The following CABIN1 variants were observed in gnomAD, a reference collection of about 807,000 sequenced individuals.
CABIN1 encodes calcineurin binding protein 1.
CABIN1 carries 133 observed loss-of-function variants against 227.7 expected under a neutral mutation model. The observed-to-expected ratio is 0.58, with a 90% CI of 0.51 to 0.67. The LOEUF (loss-of-function observed/expected upper bound fraction) is 0.67, where lower values mean the gene tolerates loss of function less well. Among genes scored for constraint, CABIN1 ranks in the 30% least tolerant of loss-of-function variants. CABIN1 has a pLI of 0.00. For synonymous variants in CABIN1, 1,086 were observed against 1,155.1 expected (o/e 0.94, Z 1.21); for missense variants, 2,408 against 2,852.5 (o/e 0.84, Z 3.55).
chr22:24,052,310 G>A (rs1373635393), intron 8 of CABIN1, among the ~76,000 whole-genome samples: 1 of 152,154 alleles, frequency 6.6e-6, no homozygotes, highest in Non-Finnish European at 1.5e-5. Flanking sequence ...AAGGAAGAGT[G>A]TAGATTCCCT....
chr22:24,137,196 C>T (rs2044476146), intron 29 of CABIN1, among the ~76,000 whole-genome samples: 1 of 152,186 alleles, frequency 6.6e-6, no homozygotes, highest in African/African-American at 2.4e-5. Context: ...AAAGCCTGTG[C>T]AGTGATATTG....
chr22:24,164,316 G>C, intron 29 of CABIN1, 84 bp from the exon 30 acceptor site: 1 of 1,562,672 alleles, frequency 6.4e-7, no homozygotes, highest in South Asian at 1.1e-5. Context: ...CACTGTGGCA[G>C]TTTCCAGGGG....
intron 10 of CABIN1, among the ~76,000 whole-genome samples, chr22:24,056,762 G>C (rs1441335308): frequency 6.6e-6 from 1 of 152,158 alleles, no homozygotes; most frequent in African/African-American, 2.4e-5. Flanking sequence ...TTTGCTCCAG[G>C]CTCAGCAGGA....
Position 24,056,216 on chromosome 22 carries a change from C to G in CABIN1, c.1118C>G (p.Ser373Cys). ...PVGDISGGDK[S>C]KKGVKRKKIS... ...GGTGATATTTCTGGGGGAGATAAAT[C>G]CAAGAAAGGGGTAAAACGGAAGAAG... Residue 373 changes from serine to cysteine, a missense_variant, in exon 10 of 37, where the codon TCC (serine) becomes TGC (cysteine). Physicochemically the swap from Ser to Cys is moderately radical, Grantham distance 112. Transcript: ENST00000263119. 1 of 1,613,660 alleles carries G rather than the reference C, an allele frequency of 6.2e-7. No individual in the cohort carries two copies. The highest frequency in any genetic ancestry group is 1.1e-5 in the South Asian group (1 of 91,056).
intron 33 of CABIN1, among the ~76,000 whole-genome samples, chr22:24,171,434 T>C (rs1021278939): frequency 6.6e-6 from 1 of 152,028 alleles, no homozygotes. Context: ...CAGCTGGAGG[T>C]CCTTCCACTG....
intron 27 of CABIN1, among the ~76,000 whole-genome samples, chr22:24,114,058 T>G (rs1040928492): frequency 6.6e-5 from 10 of 151,598 alleles, no homozygotes; most frequent in Non-Finnish European, 1.2e-4. Flanking sequence ...GTGCTCTGTT[T>G]TTGTTGTTGT....
chr22:24,055,270 C>T, intron 9 of CABIN1, 111 bp downstream of exon 9: 2 of 1,253,402 alleles, frequency 1.6e-6, no homozygotes, highest in Non-Finnish European at 2.2e-6. Context: ...CATGCTGATG[C>T]TCATGACTCA....
intron 9 of CABIN1, among the ~76,000 whole-genome samples, chr22:24,055,837 G>A (rs1004456519): frequency 2.6e-5 from 4 of 152,154 alleles, no homozygotes; most frequent in Non-Finnish European, 4.4e-5. Flanking sequence ...GAGGGTACTG[G>A]GTAGGGTCAT....
intron 29 of CABIN1, among the ~76,000 whole-genome samples, chr22:24,151,437 G>T (rs184605167): frequency 6.6e-6 from 1 of 152,124 alleles, no homozygotes; most frequent in African/African-American, 2.4e-5. Flanking sequence ...TAGGGACCAG[G>T]GGTCAGAAGA....
chr22:24,037,992 G>T (rs532977882), intron 3 of CABIN1, among the ~76,000 whole-genome samples: 1 of 152,342 alleles, frequency 6.6e-6, no homozygotes, highest in East Asian at 1.9e-4. Flanking sequence ...AAGTGGAGGA[G>T]ATATTTATGG....
rs751228495 is a variant in CABIN1 at position 24,070,813 on chromosome 22, G to A, written c.2246G>A (p.Arg749Gln). 9.9e-6 allele frequency: 16 copies of A among 1,614,060 alleles called. No individual in the cohort carries two copies. The Admixed American group carries it at 1.0e-4, about 10-fold the overall frequency. The change falls in exon 17 of 37, where the codon CGG (arginine) becomes CAG (glutamine). Residue 749 changes from arginine (R) to glutamine (Q), a missense_variant. Coordinates refer to ENST00000263119, the MANE Select transcript of CABIN1 (RefSeq NM_012295.4). ...TTGCTGTACTAGGACTCCTTGCTCC[G>A]GCTGAAGGACTATCGGCAGTGTTTT... ...QLLLLQDSLLRLKDYRQCFEC... is the reference protein window; with the variant it reads ...QLLLLQDSLLQLKDYRQCFEC...
intron 1 of CABIN1, among the ~76,000 whole-genome samples, chr22:24,023,140 A>C (rs141833444): frequency 1.9e-3 from 297 of 152,330 alleles, no homozygotes; most frequent in Non-Finnish European, 3.6e-3. Flanking sequence ...TGTATATCAA[A>C]CAATATTTGT....
At chr22:24,173,123 C>A in intron 34 of CABIN1, 1 of 152,414 alleles carries the variant, frequency 6.6e-6, no homozygotes. Flanking sequence ...CAGCCTGTTT[C>A]CTTGCCGCAG....
intron 6 of CABIN1, among the ~76,000 whole-genome samples, chr22:24,047,765 G>A (rs1880554625): frequency 6.6e-6 from 1 of 152,212 alleles, no homozygotes; most frequent in African/African-American, 2.4e-5. Context: ...TCTGTGTGTT[G>A]CTTCTCACTC....
intron 15 of CABIN1, among the ~76,000 whole-genome samples, chr22:24,065,032 T>C (rs1386378117): frequency 9.9e-5 from 15 of 152,226 alleles, no homozygotes; most frequent in African/African-American, 9.6e-5. Context: ...AGCTGTTGGG[T>C]ACACCTCCCA....
Position 24,176,262 on chromosome 22 carries a change from C to T in CABIN1, c.6192C>T (p.Pro2064=). 6.2e-7 allele frequency: 1 copy of T among 1,602,284 alleles called. No individual in the cohort carries two copies. Among genetic ancestry groups the T allele is most frequent in the Non-Finnish European group, 8.5e-7 (1 of 1,176,094 alleles). The change falls in exon 35 of 37, where the codon CCC becomes CCT. Residue 2064 remains proline, a synonymous_variant. Coordinates refer to ENST00000263119, the MANE Select transcript of CABIN1 (RefSeq NM_012295.4). ...CTGCCCTGGGCACAGGCGCTGAGCC[C>T]ACCTGCAGCCAGGGTAAGGCGAGTT... is the stretch of plus-strand genomic sequence containing the variant. The part of the protein sequence containing the change: ...AEAALGTGAE[P]TCSQEGKLRP...
chr22:24,118,267 T>C (rs1336131255), intron 27 of CABIN1, among the ~76,000 whole-genome samples: 1 of 151,874 alleles, frequency 6.6e-6, no homozygotes. Flanking sequence ...GGAGGGAAGG[T>C]CAGACTAATA....
chr22:24,090,881 T>C (rs1342163747), intron 23 of CABIN1, among the ~76,000 whole-genome samples: 2 of 152,180 alleles, frequency 1.3e-5, no homozygotes, highest in South Asian at 2.1e-4. Context: ...GGCTTCTCTC[T>C]AGCTTCCAGC....
intron 35 of CABIN1, among the ~76,000 whole-genome samples, chr22:24,176,516 C>T (rs567409340): frequency 5.8e-4 from 88 of 152,278 alleles, no homozygotes; most frequent in African/African-American, 1.9e-3. Context: ...ACCCCAGAGG[C>T]TTATTCCACC....
Sources: allele counts gnomAD v4.1 joint callset (sites outside exome capture counted in the v4.1 genomes callset), GRCh38; gene constraint gnomAD v4.1.1; transcripts MANE v1.5; gene names NCBI Gene and HGNC (gene_info 2026-07-23, HGNC 2026-07-21).